The following CASK variants were observed in gnomAD, a reference collection of about 807,000 sequenced individuals.
CASK encodes the protein peripheral plasma membrane protein CASK.
A neutral mutation model predicts 82.9 loss-of-function variants in CASK; 4 were observed. That is an observed-to-expected ratio of 0.05 (90% CI 0.02 to 0.11). The LOEUF (loss-of-function observed/expected upper bound fraction) is 0.11, where lower values mean the gene tolerates loss of function less well. Among genes scored for constraint, CASK ranks in the 10% least tolerant of loss-of-function variants. CASK has a pLI of 1.00. For synonymous variants in CASK, 259 were observed against 253.5 expected (o/e 1.02, Z -0.20); for missense variants, 358 against 720.9 (o/e 0.50, Z 5.76).
intron 13 of CASK, chrX:41,587,864 G>C (rs1412930530): frequency 8.9e-6 from 1 of 111,920 alleles, no homozygotes; most frequent in Non-Finnish European, 1.9e-5. Flanking sequence ...GGATTCAGAG[G>C]TTTGCATTAC....
chrX:41,644,596 G>C (rs1314024431), intron 8 of CASK, among the ~76,000 whole-genome samples: 1 of 112,337 alleles, frequency 8.9e-6, no homozygotes, highest in Non-Finnish European at 1.9e-5. Flanking sequence ...AACAGCAATT[G>C]TTCAAGGAAT....
chrX:41,549,504 A>G (rs2065066671), intron 21 of CASK, among the ~76,000 whole-genome samples: 1 of 112,066 alleles, frequency 8.9e-6, no homozygotes, highest in Non-Finnish European at 1.9e-5. Flanking sequence ...ATCAGTTTTG[A>G]TATCTGTAAA....
chrX:41,757,933 T>G (rs755347577), intron 3 of CASK, among the ~76,000 whole-genome samples: 4 of 112,646 alleles, frequency 3.6e-5, no homozygotes, highest in Non-Finnish European at 3.8e-5. Flanking sequence ...AAATATTTGT[T>G]GGTGGCGAAT....
At chrX:41,559,335 G>A (rs1184024699) in intron 18 of CASK, 1 of 127,219 alleles carries the variant, frequency 7.9e-6, no homozygotes, top group Non-Finnish European at 1.6e-5. Context: ...CTAGAGACCT[G>A]TCACAATTGT....
intron 21 of CASK, among the ~76,000 whole-genome samples, chrX:41,546,405 C>T (rs1052438904): frequency 4.5e-4 from 50 of 110,586 alleles, no homozygotes; most frequent in African/African-American, 1.4e-3. Flanking sequence ...CCACTGTACC[C>T]GGTCTCAATA....
At chrX:41,731,774 T>C (rs1349706515) in intron 5 of CASK, among the ~76,000 whole-genome samples, 1 of 110,382 alleles carries the variant, frequency 9.1e-6, no homozygotes, top group Non-Finnish European at 1.9e-5. Flanking sequence ...AAAATATCAC[T>C]TCTGTTTTTG....
intron 16 of CASK, among the ~76,000 whole-genome samples, chrX:41,567,787 C>T (rs887821547): frequency 9.0e-6 from 1 of 111,432 alleles, no homozygotes; most frequent in Non-Finnish European, 1.9e-5. Flanking sequence ...GACACATGCA[C>T]ACGTATGTTT....
intron 1 of CASK, among the ~76,000 whole-genome samples, chrX:41,918,262 A>C (rs888102700): frequency 8.9e-6 from 1 of 112,404 alleles, no homozygotes; most frequent in Admixed American, 9.4e-5. Flanking sequence ...AATTAGTACA[A>C]ATTAGTAAAG....
At chrX:41,777,218 G>A (rs367921093) in intron 3 of CASK, among the ~76,000 whole-genome samples, 33 of 111,700 alleles carry the variant, frequency 3.0e-4, no homozygotes, top group East Asian at 2.3e-3. Flanking sequence ...TAGGCCAGGC[G>A]TGGTGGCTCA....
intron 12 of CASK, among the ~76,000 whole-genome samples, chrX:41,593,568 A>G (rs2065776248): frequency 8.9e-6 from 1 of 111,822 alleles, no homozygotes; most frequent in African/African-American, 3.3e-5. Flanking sequence ...TTTGGAGACC[A>G]GAGAGTAAGT....
At position 41,523,851 on chromosome X, in the gene CASK, G is replaced by A. The variant is rs188933228; in HGVS notation, c.2604+100C>T. ...CTATTCCACATCCCATTTCATCAGA[G>A]CAGCCTTGCTGCAAATGTAGACTGA... On this transcript the variant is annotated intron_variant, in intron 26 of 26. Transcript: ENST00000378163. 177 of 630,944 alleles carry A rather than the reference G, an allele frequency of 2.8e-4. No homozygotes were observed. In the African/African-American group the frequency reaches 3.5e-3, roughly 12 times the overall value. 52.0% of individuals were successfully genotyped at this position (630,944 alleles called of 1,213,427 possible).
chrX:41,818,778 T>G (rs1000692012), intron 2 of CASK, among the ~76,000 whole-genome samples: 1 of 109,724 alleles, frequency 9.1e-6, no homozygotes, highest in Admixed American at 9.8e-5. Flanking sequence ...GGAGAAAAGA[T>G]AATCTTTTCA....
At position 41,918,992 on chromosome X, in the gene CASK, C is replaced by T. The variant is rs184179073; in HGVS notation, c.59+3938G>A. 2.7e-5 allele frequency among the ~76,000 whole-genome samples: 3 copies of T among 112,146 alleles called. No homozygotes were observed. In the East Asian group the frequency reaches 8.4e-4, roughly 31 times the overall value. Reference sequence around the variant, plus strand: ...TCTAATATGCAGCCAGGTGGAGAACCACTACTTTAAACTAATGCAGGCTCT... The same window carrying T: ...TCTAATATGCAGCCAGGTGGAGAACTACTACTTTAAACTAATGCAGGCTCT... On this transcript the variant is annotated intron_variant, in intron 1 of 26. Coordinates refer to ENST00000378163, the MANE Select transcript of CASK (RefSeq NM_001367721.1).
intron 5 of CASK, among the ~76,000 whole-genome samples, chrX:41,712,707 A>T (rs957772159): frequency 1.8e-5 from 2 of 112,807 alleles, no homozygotes; most frequent in Non-Finnish European, 3.7e-5. Flanking sequence ...AGGGGCTGGA[A>T]TTCTAAATGT....
At chrX:41,847,680 T>A (rs1244435764) in intron 2 of CASK, among the ~76,000 whole-genome samples, 1 of 112,403 alleles carries the variant, frequency 8.9e-6, no homozygotes, top group East Asian at 2.8e-4. Flanking sequence ...AATCTCCTTT[T>A]CTGCAGGATT....
chrX:41,608,252 T>C (rs909260879), intron 12 of CASK, among the ~76,000 whole-genome samples: 3 of 112,512 alleles, frequency 2.7e-5, no homozygotes, highest in Non-Finnish European at 3.8e-5. Context: ...TTCTTTGCTT[T>C]AGATCATCTC....
At chrX:41,607,452 A>G (rs189581159) in intron 12 of CASK, among the ~76,000 whole-genome samples, 1 of 112,612 alleles carries the variant, frequency 8.9e-6, no homozygotes, top group Admixed American at 9.4e-5. Context: ...AATAAAATAA[A>G]CAAAATCTCC....
intron 2 of CASK, 74 bp downstream of exon 2, chrX:41,853,041 T>C: frequency 1.5e-6 from 1 of 681,419 alleles, no homozygotes; most frequent in Non-Finnish European, 2.4e-6. Flanking sequence ...CAGATGAAGG[T>C]TAGGTTGGTA....
intron 21 of CASK, among the ~76,000 whole-genome samples, chrX:41,551,382 T>G (rs753935015): frequency 3.6e-3 from 403 of 111,418 alleles, no homozygotes; most frequent in Non-Finnish European, 6.0e-3. Context: ...AATAAGGGTA[T>G]GCTTATCTGT....
Sources: gnomAD v4.1 joint callset for allele counts (sites outside exome capture counted in the v4.1 genomes callset) on GRCh38, gnomAD v4.1.1 for gene constraint, MANE v1.5 for transcripts, NCBI Gene and HGNC (gene_info 2026-07-23, HGNC 2026-07-21) for gene names.